The following CHEK1 variants were observed in gnomAD, a reference collection of about 807,000 sequenced individuals.
CHEK1 encodes the protein checkpoint kinase 1.
A neutral mutation model predicts 60.2 loss-of-function variants in CHEK1; 32 were observed. The observed-to-expected ratio is 0.53, with a 90% CI of 0.40 to 0.71. The LOEUF is 0.71. Among genes scored for constraint, CHEK1 ranks in the 30% least tolerant of loss-of-function variants. CHEK1 has a pLI of 0.00. For synonymous variants in CHEK1, 179 were observed against 187.2 expected, an observed-to-expected ratio of 0.96 and a Z score of 0.36; for missense variants, 399 against 564.6, an observed-to-expected ratio of 0.71 and a Z score of 2.97.
chr11:125,679,240 T>TA (rs1942686022), downstream of CHEK1, among the ~76,000 whole-genome samples: 1 of 130,706 alleles, frequency 7.7e-6, no homozygotes, highest in Non-Finnish European at 1.7e-5. Flanking sequence ...GTTTCAAAGA[T>TA]AGAGTCTCGC....
At chr11:125,673,608 C>T (rs1283666430) in intron 13 of CHEK1, among the ~76,000 whole-genome samples, 2 of 152,170 alleles carry the variant, frequency 1.3e-5, no homozygotes, top group Non-Finnish European at 2.9e-5. Context: ...TGAACTGTCA[C>T]ATTACCAACT....
intron 11 of CHEK1, among the ~76,000 whole-genome samples, chr11:125,651,460 G>C (rs1941730092): frequency 6.6e-6 from 1 of 151,806 alleles, no homozygotes; most frequent in Non-Finnish European, 1.5e-5. Context: ...ACTAATTTTT[G>C]TATTTTTAGT....
intron 11 of CHEK1, among the ~76,000 whole-genome samples, chr11:125,649,584 G>A (rs971368957): frequency 1.3e-5 from 2 of 151,974 alleles, no homozygotes; most frequent in Non-Finnish European, 2.9e-5. Context: ...AAAATTAGTT[G>A]GGCGTTGTGG....
In CHEK1 at chr11:125,627,880, T is replaced by A; in HGVS notation, c.289+50T>A. The stretch of plus-strand genomic sequence containing the variant: ...ATTTTAAACAAGTTTTTAAATTTGT[T>A]TTTTAAATCTTGGGCATGCTATTTG... On this transcript the variant is annotated intron_variant, in intron 3 of 12. Coordinates refer to ENST00000438015, the MANE Select transcript of CHEK1 (RefSeq NM_001114122.3). The A allele has an allele frequency of 2.9e-6, 4 of 1,383,308 alleles. No individual in the cohort carries two copies. In the South Asian group the frequency reaches 5.7e-5, roughly 20 times the overall value. 85.7% of individuals were successfully genotyped at this position (1,383,308 alleles called of 1,614,324 possible). A position where few individuals can be genotyped will look rare whatever the true frequency, so the allele number is the denominator to read the frequency against.
chr11:125,649,655 G>A (rs1228524012), intron 11 of CHEK1: 1 of 152,170 alleles, frequency 6.6e-6, no homozygotes, highest in Non-Finnish European at 1.5e-5. Flanking sequence ...CTGAGCCATT[G>A]GAGATCAAGG....
At chr11:125,643,746 C>T in intron 8 of CHEK1, 46 bp from the exon 9 acceptor site, 1 of 1,464,648 alleles carries the variant, frequency 6.8e-7, no homozygotes, top group Non-Finnish European at 9.4e-7. Context: ...TAAAAACATA[C>T]TTGCATAGAA....
intron 11 of CHEK1, among the ~76,000 whole-genome samples, chr11:125,650,784 G>A (rs1941696052): frequency 6.6e-6 from 1 of 152,118 alleles, no homozygotes; most frequent in Admixed American, 6.5e-5. Flanking sequence ...ATGCATGGCT[G>A]TACAATTTCT....
At chr11:125,626,463 T>G (rs1433755759) in intron 1 of CHEK1, 1 of 470,864 alleles carries the variant, frequency 2.1e-6, no homozygotes, top group African/African-American at 1.9e-5. Context: ...CCGGAAAGCA[T>G]TTGTCTCCCA....
chr11:125,666,492 G>T (rs894845091), intron 13 of CHEK1, among the ~76,000 whole-genome samples: 5 of 152,152 alleles, frequency 3.3e-5, no homozygotes, highest in Admixed American at 6.5e-5. Context: ...TGGATGAAAT[G>T]TTCTATAAAT....
chr11:125,667,248 C>G (rs1215135823), intron 13 of CHEK1, among the ~76,000 whole-genome samples: 1 of 152,068 alleles, frequency 6.6e-6, no homozygotes, highest in African/African-American at 2.4e-5. Context: ...TAAATGAGAA[C>G]ATGTTGTATT....
intron 8 of CHEK1, among the ~76,000 whole-genome samples, chr11:125,641,398 T>C (rs1033460663): frequency 6.6e-6 from 1 of 152,188 alleles, no homozygotes; most frequent in Non-Finnish European, 1.5e-5. Flanking sequence ...ATCTCCTTTG[T>C]TTTCTTCTCC....
chr11:125,665,779 T>C lies in CHEK1; in HGVS notation c.*28-10149T>C, dbSNP rs963513360. On this transcript the variant is annotated intron_variant, in intron 13 of 13. Transcript: ENST00000428830. ...ATTTTTTGGCATATAGTGTTCATGA[T>C]AGTCTCTAATGATCTTTTGTGTTTC... Among the ~76,000 whole-genome samples the C allele has an allele frequency of 1.6e-4, 24 of 151,942 alleles. No homozygotes were observed. The South Asian group carries it at 4.6e-3, about 29-fold the overall frequency.
downstream of CHEK1, among the ~76,000 whole-genome samples, chr11:125,658,656 TA>T (rs1176716596): frequency 6.6e-6 from 1 of 151,308 alleles, no homozygotes; most frequent in Non-Finnish European, 1.5e-5. Context: ...TGTAATCATG[TA>T]ATCTTCTTAA....
chr11:125,627,252 A>T (rs1940657017), intron 2 of CHEK1, among the ~76,000 whole-genome samples: 1 of 152,116 alleles, frequency 6.6e-6, no homozygotes, highest in South Asian at 2.1e-4. Flanking sequence ...ACCCCATAGG[A>T]GCTTAGGACA....
At chr11:125,664,297 G>A (rs567880917) in intron 13 of CHEK1, among the ~76,000 whole-genome samples, 21 of 147,548 alleles carry the variant, frequency 1.4e-4, no homozygotes, top group South Asian at 2.2e-4. Flanking sequence ...ACAATGGTGC[G>A]ATCTCAGCTC....
At position 125,653,960 on chromosome 11, in the gene CHEK1, C is replaced by T. The variant is rs1357920698; in HGVS notation, c.1335+113C>T. ...TTGTAAATAGGTTACTTGCTTTTTT[C>T]GTTTAATATTATGAGCATGTGTTTT... On this transcript the variant is annotated intron_variant, in intron 12 of 12. Transcript: ENST00000438015. The surrounding 1 kb of genome is among the most constrained non-coding windows in gnomAD (Gnocchi z 4.3). The T allele has an allele frequency of 1.8e-5, 10 of 562,034 alleles. No homozygotes were observed. The highest frequency in any genetic ancestry group is 5.2e-5 in the South Asian group (2 of 38,140). The allele number at this position is 562,034 out of a possible 1,614,324, so 34.8% of individuals were successfully genotyped here. A position where few individuals can be genotyped will look rare whatever the true frequency, so the allele number is the denominator to read the frequency against.
At chr11:125,660,922 T>C (rs564333447), downstream of CHEK1, among the ~76,000 whole-genome samples, 6 of 151,984 alleles carry the variant, frequency 3.9e-5, no homozygotes, top group Non-Finnish European at 8.8e-5. Flanking sequence ...ATTACAGGCA[T>C]GCGCCACTAC....
chr11:125,646,191 A>G (rs1335640291), intron 11 of CHEK1, among the ~76,000 whole-genome samples: 1 of 151,910 alleles, frequency 6.6e-6, no homozygotes, highest in Non-Finnish European at 1.5e-5. Flanking sequence ...TTCTGTCTTT[A>G]GGGATTGCCT....
chr11:125,627,525 C>T, intron 2 of CHEK1, 82 bp from the exon 3 acceptor site: 2 of 1,159,774 alleles, frequency 1.7e-6, no homozygotes, highest in Non-Finnish European at 2.4e-6. Context: ...GAGGTAAAAT[C>T]GTTTTGGATG....
Sources: gnomAD v4.1 joint callset for allele counts (sites outside exome capture counted in the v4.1 genomes callset) on GRCh38, gnomAD v4.1.1 for gene constraint, Gnocchi (gnomAD v3.1) non-coding constraint, MANE v1.5 for transcripts, NCBI Gene and HGNC (gene_info 2026-07-23, HGNC 2026-07-21) for gene names.